The following C12orf50 variants were observed in gnomAD, a reference collection of about 807,000 sequenced individuals.
C12orf50 encodes zinc finger CCCH-type containing 11D.
In C12orf50, 35 loss-of-function variants were observed where a neutral mutation model predicts 61.6. The observed-to-expected ratio is 0.57, with a 90% confidence interval of 0.43 to 0.75. C12orf50 has a LOEUF of 0.75. C12orf50 is among the 30% of genes least tolerant of loss of function. C12orf50 has a pLI of 0.00. For synonymous variants in C12orf50, 178 were observed against 161.5 expected (o/e 1.10, Z -0.77); for missense variants, 475 against 488.5 (o/e 0.97, Z 0.26).
At chr12:87,999,714 A>G (rs1384304485) in intron 3 of C12orf50, among the ~76,000 whole-genome samples, 3 of 152,172 alleles carry the variant, frequency 2.0e-5, no homozygotes, top group Non-Finnish European at 2.9e-5. Flanking sequence ...TACAAATGTA[A>G]TCATTTGTAC....
chr12:88,029,453 TC>T, upstream of C12orf50: 1 of 157,378 alleles, frequency 6.4e-6, no homozygotes, highest in Non-Finnish European at 1.4e-5. Flanking sequence ...ATAAATGACC[TC>T]ACATGTAACT....
At chr12:87,993,464 CAAACAATTACAGCTAGACTA>C (rs1048267478) in intron 7 of C12orf50, among the ~76,000 whole-genome samples, 16 of 152,216 alleles carry the variant, frequency 1.1e-4, no homozygotes, top group African/African-American at 2.9e-4. Context: ...TCAAGGCAAC[CAAACAATTACAGCTAGACTA>C]AAACAATTAC....
chr12:88,023,666 CA>C (rs61438235), intron 3 of C12orf50, among the ~76,000 whole-genome samples: 14,080 of 85,870 alleles, frequency 0.16, 1,830 homozygotes, highest in African/African-American at 0.42. Flanking sequence ...GACTCCATCT[CA>C]AAAAAAAAAA....
rs139332123 is a variant in C12orf50, at chr12:88,012,689, A to G, written c.133+13799T>C. On this transcript the variant is annotated intron_variant, in intron 3 of 12. Transcript: ENST00000298699. ...TTGCAAAACAAAAGTTTAATCTAAA[A>G]GTAATTAGGAGGAAATAAATGAACA... Among the ~76,000 whole-genome samples, 18 of 152,322 alleles carry G rather than the reference A, an allele frequency of 1.2e-4. No individual in the cohort carries two copies. The East Asian group carries it at 2.9e-3, about 24-fold the overall frequency.
In C12orf50 at chr12:88,019,424, C is replaced by CT. The variant is rs528343049; in HGVS notation, c.133+7063dup. On this transcript the variant is annotated intron_variant, in intron 3 of 12. Coordinates refer to ENST00000298699, the MANE Select transcript of C12orf50 (RefSeq NM_152589.3). ...GTAAATTGCCCAGTCTTGGGTATGT[C>CT]TTTTGTAAATTGCCCAGTCTTGGGT... Among the ~76,000 whole-genome samples the CT allele has an allele frequency of 1.3e-4, 20 of 152,168 alleles. No individual in the cohort carries two copies. The East Asian group carries it at 3.7e-3, about 28-fold the overall frequency.
At chr12:88,002,102 G>A (rs1437716887) in intron 3 of C12orf50, among the ~76,000 whole-genome samples, 1 of 151,460 alleles carries the variant, frequency 6.6e-6, no homozygotes, top group Non-Finnish European at 1.5e-5. Context: ...TTATCTATTC[G>A]AGATTTTTAA....
intron 7 of C12orf50, among the ~76,000 whole-genome samples, chr12:87,991,641 G>T (rs541613674): frequency 6.6e-6 from 1 of 152,174 alleles, no homozygotes; most frequent in East Asian, 1.9e-4. Flanking sequence ...TTTATGAAAA[G>T]GTGCTAACAT....
At chr12:87,992,606 G>A (rs1213122995) in intron 7 of C12orf50, among the ~76,000 whole-genome samples, 1 of 151,954 alleles carries the variant, frequency 6.6e-6, no homozygotes, top group Non-Finnish European at 1.5e-5. Context: ...TCCAAACTAA[G>A]AGTTCAAACT....
chr12:87,988,030 T>C (rs2030921702), intron 8 of C12orf50, 64 bp from the exon 9 acceptor site: 1 of 1,017,008 alleles, frequency 9.8e-7, no homozygotes, highest in Non-Finnish European at 1.5e-6. Flanking sequence ...ATTTCAGTTG[T>C]TATTTCACTA....
At chr12:88,010,201 G>A (rs557167579) in intron 3 of C12orf50, among the ~76,000 whole-genome samples, 18 of 152,070 alleles carry the variant, frequency 1.2e-4, no homozygotes, top group African/African-American at 4.3e-4. Context: ...GCCAGTGCTA[G>A]ACTGTCCTAA....
At chr12:88,014,985 T>C (rs1378318981) in intron 3 of C12orf50, among the ~76,000 whole-genome samples, 1 of 152,200 alleles carries the variant, frequency 6.6e-6, no homozygotes, top group Non-Finnish European at 1.5e-5. Flanking sequence ...ATATTTGAGT[T>C]CCTGCCTTTA....
chr12:88,019,082 G>T (rs571473584), intron 3 of C12orf50, among the ~76,000 whole-genome samples: 5 of 152,150 alleles, frequency 3.3e-5, no homozygotes, highest in African/African-American at 1.2e-4. Context: ...AGGGGCCAGG[G>T]ATGGAATGAT....
At chr12:87,994,998 A>G (rs766227153) in intron 6 of C12orf50, among the ~76,000 whole-genome samples, 6 of 152,140 alleles carry the variant, frequency 3.9e-5, no homozygotes, top group East Asian at 1.9e-4. Context: ...ATCTAACACT[A>G]TTGTATATAC....
intron 1 of C12orf50, 74 bp downstream of exon 1, chr12:88,029,266 C>A: frequency 3.0e-6 from 1 of 334,878 alleles, no homozygotes. Flanking sequence ...AGTAGTATTC[C>A]TTTAAAACTG....
intron 3 of C12orf50, among the ~76,000 whole-genome samples, chr12:88,005,912 G>GTTTTTTTTTTTTTTTTTTTTT (rs371924944): frequency 1.1e-5 from 1 of 91,032 alleles, no homozygotes; most frequent in African/African-American, 4.3e-5. Context: ...TGTTTTTTTG[G>GTTTTTTTTTTTTTTTTTTTTT]TTTTTTTTTT....
intron 11 of C12orf50, chr12:87,985,648 A>G: frequency 1.6e-6 from 1 of 612,194 alleles, no homozygotes. Flanking sequence ...TCATCTGCAC[A>G]CAACATGAGT....
intron 3 of C12orf50, among the ~76,000 whole-genome samples, chr12:88,006,915 G>C (rs2031909046): frequency 2.0e-5 from 3 of 152,126 alleles, no homozygotes; most frequent in Admixed American, 1.3e-4. Flanking sequence ...CAATACAACT[G>C]ACTTGCCATT....
chr12:88,007,704 A>G (rs2031938511), intron 3 of C12orf50, among the ~76,000 whole-genome samples: 1 of 152,246 alleles, frequency 6.6e-6, no homozygotes, highest in Admixed American at 6.5e-5. Flanking sequence ...GCAGCAATAT[A>G]TACCTTTTTT....
At chr12:87,986,453 A>T in intron 9 of C12orf50, 37 bp from the exon 10 acceptor site, 1 of 1,449,688 alleles carries the variant, frequency 6.9e-7, no homozygotes, top group Non-Finnish European at 9.5e-7. Context: ...TTTTTAAGAG[A>T]TGCTTTCATC....
Sources: gnomAD v4.1 joint callset for allele counts (sites outside exome capture counted in the v4.1 genomes callset) on GRCh38, gnomAD v4.1.1 for gene constraint, MANE v1.5 for transcripts, NCBI Gene and HGNC (gene_info 2026-07-23, HGNC 2026-07-21) for gene names.